Variants in SLC14A2 observed in about 807,000 individuals in gnomAD.
SLC14A2 encodes the protein urea transporter 2.
In SLC14A2, 91 loss-of-function variants were observed where a neutral mutation model predicts 104.6. The observed-to-expected ratio is 0.87, with a 90% CI of 0.73 to 1.04. SLC14A2 has a LOEUF of 1.04. Ranked by LOEUF, SLC14A2 falls within the 50% of genes least tolerant of loss-of-function variation. The pLI is 0.00. For missense variants in SLC14A2, 1,189 were observed against 1,156.0 expected, an observed-to-expected ratio of 1.03 and a Z score of -0.41; for synonymous variants, 476 against 466.4, an observed-to-expected ratio of 1.02 and a Z score of -0.27.
At chr18:45,662,176 A>G (rs1170766298) in intron 10 of SLC14A2, among the ~76,000 whole-genome samples, 1 of 152,140 alleles carries the variant, frequency 6.6e-6, no homozygotes, top group East Asian at 1.9e-4. Flanking sequence ...GATGGTGGGC[A>G]CCTGTAATCC....
chr18:45,206,274 G>A, the SLC14A2 span, among the ~76,000 whole-genome samples: 1 of 152,186 alleles, frequency 6.6e-6, no homozygotes, highest in African/African-American at 2.4e-5. Context: ...TGGAAAGGCT[G>A]TAATCCTGAA....
chr18:45,530,980 G>C lies in SLC14A2; in HGVS notation c.-35+47658G>C, dbSNP rs375387182. Among the ~76,000 whole-genome samples, 56 of 151,974 alleles carry C rather than the reference G, an allele frequency of 3.7e-4. No homozygotes were observed. The East Asian group carries it at 8.9e-3, about 24-fold the overall frequency. ...TTTTTTGTCCTTGCGATAGTTTGCT[G>C]AGAATGATGGTTTCTAGCTTCATCC... is the stretch of plus-strand genomic sequence containing the variant. On this transcript the variant is annotated intron_variant, in intron 2 of 20. Coordinates refer to the SLC14A2 transcript ENST00000586448.
At chr18:45,542,732 A>G (rs2043909332) in intron 2 of SLC14A2, among the ~76,000 whole-genome samples, 2 of 152,084 alleles carry the variant, frequency 1.3e-5, no homozygotes, top group South Asian at 4.2e-4. Context: ...AAACTGGGAG[A>G]GTCTATAGCA....
intron 1 of SLC14A2, among the ~76,000 whole-genome samples, chr18:45,428,035 T>C (rs953982599): frequency 6.6e-6 from 1 of 152,210 alleles, no homozygotes; most frequent in Non-Finnish European, 1.5e-5. Flanking sequence ...GTTCACTGTT[T>C]ATAGCAAGTC....
At chr18:45,361,938 A>T (rs529504235) in intron 1 of SLC14A2, among the ~76,000 whole-genome samples, 1 of 152,340 alleles carries the variant, frequency 6.6e-6, no homozygotes, top group East Asian at 1.9e-4. Context: ...GAACCGCTTT[A>T]GACTATGAAT....
chr18:45,606,753 CAAAAACAAAAA>C (rs1568296064), intron 2 of SLC14A2, among the ~76,000 whole-genome samples: 534 of 16,418 alleles, frequency 0.033, 7 homozygotes, highest in East Asian at 0.17. Context: ...AAAAACAAAA[CAAAAACAAAAA>C]AAAAAAACAC....
chr18:45,300,972 G>C (rs2084962919), intron 1 of SLC14A2, among the ~76,000 whole-genome samples: 1 of 152,204 alleles, frequency 6.6e-6, no homozygotes, highest in African/African-American at 2.4e-5. Context: ...CTGACTGACA[G>C]GAAGGGGAGA....
At chr18:45,528,638 C>T (rs2043634725) in intron 2 of SLC14A2, 1 of 151,926 alleles carries the variant, frequency 6.6e-6, no homozygotes, top group Non-Finnish European at 1.5e-5. Context: ...TAGGTTCCAT[C>T]TGAACCAGAA....
intron 2 of SLC14A2, among the ~76,000 whole-genome samples, chr18:45,524,586 T>C (rs1476087186): frequency 6.6e-6 from 1 of 152,200 alleles, no homozygotes; most frequent in Non-Finnish European, 1.5e-5. Context: ...TCCAGCCCTA[T>C]ATATCCACAT....
At chr18:45,404,957 C>T (rs1233077093) in intron 1 of SLC14A2, among the ~76,000 whole-genome samples, 1 of 152,126 alleles carries the variant, frequency 6.6e-6, no homozygotes, top group Non-Finnish European at 1.5e-5. Flanking sequence ...CTCAGTGCCA[C>T]CAGCACTGCC....
chr18:45,670,100 G>A (rs1006591015), intron 16 of SLC14A2, among the ~76,000 whole-genome samples: 1 of 152,138 alleles, frequency 6.6e-6, no homozygotes, highest in African/African-American at 2.4e-5. Context: ...TGCACTCCAT[G>A]AGACTCTATC....
chr18:45,415,639 G>A (rs1231693693), intron 1 of SLC14A2, among the ~76,000 whole-genome samples: 1 of 152,112 alleles, frequency 6.6e-6, no homozygotes, highest in African/African-American at 2.4e-5. Flanking sequence ...ATAAACCACA[G>A]GGGGTCAAAA....
intron 2 of SLC14A2, among the ~76,000 whole-genome samples, chr18:45,531,034 A>G (rs981034591): frequency 1.3e-5 from 2 of 152,076 alleles, no homozygotes; most frequent in African/African-American, 4.8e-5. Flanking sequence ...TGAACTCATC[A>G]TTTTTTATGG....
intron 1 of SLC14A2, among the ~76,000 whole-genome samples, chr18:45,217,197 T>C (rs559508910): frequency 6.7e-6 from 1 of 149,288 alleles, no homozygotes; most frequent in Non-Finnish European, 1.5e-5. Flanking sequence ...CATTAAACTA[T>C]ATAAATATAA....
In SLC14A2 at chr18:45,666,208, GTC is replaced by G; in HGVS notation, c.1547_1548del (p.Val516GlyfsTer4). 2 of 1,612,180 alleles carry G rather than the reference GTC, an allele frequency of 1.2e-6. No homozygotes were observed. Among genetic ancestry groups the G allele is most frequent in the South Asian group, 2.2e-5 (2 of 91,040 alleles). The part of the protein sequence containing the change: ...PFPYRYRKPT[V>X]ELLDLDTMEE... ...TCCCTATCGATACCGGAAGCCCACA[GTC>G]GAGCTGCTTGTGAGTACTGAGTGTC... is the stretch of plus-strand genomic sequence containing the variant. On this transcript the variant is annotated frameshift_variant, in exon 12 of 20. Coordinates refer to ENST00000255226, the MANE Select transcript of SLC14A2 (RefSeq NM_007163.4). LOFTEE classifies it high-confidence loss of function.
At chr18:45,563,020 G>A (rs1211701299) in intron 2 of SLC14A2, among the ~76,000 whole-genome samples, 1 of 152,182 alleles carries the variant, frequency 6.6e-6, no homozygotes, top group Non-Finnish European at 1.5e-5. Flanking sequence ...GGATTTTCTA[G>A]GTCTTTGAAA....
chr18:45,413,704 G>A (rs987702602), intron 1 of SLC14A2, among the ~76,000 whole-genome samples: 1 of 152,200 alleles, frequency 6.6e-6, no homozygotes, highest in African/African-American at 2.4e-5. Flanking sequence ...CTTTCTGCCA[G>A]TGCTGAGCCA....
intron 1 of SLC14A2, among the ~76,000 whole-genome samples, chr18:45,235,752 TTTCA>T (rs2084218713): frequency 6.6e-6 from 1 of 150,412 alleles, no homozygotes; most frequent in Admixed American, 6.7e-5. Context: ...AATGACAAGA[TTTCA>T]TTCATTTTTA....
chr18:45,373,390 C>A (rs530305530), intron 1 of SLC14A2, among the ~76,000 whole-genome samples: 4 of 152,308 alleles, frequency 2.6e-5, no homozygotes, highest in South Asian at 4.1e-4. Flanking sequence ...ATGATTTTAT[C>A]CATCCCAACA....
Sources: gnomAD v4.1 joint callset for allele counts (sites outside exome capture counted in the v4.1 genomes callset) on GRCh38, gnomAD v4.1.1 for gene constraint, MANE v1.5 for transcripts, NCBI Gene and HGNC (gene_info 2026-07-23, HGNC 2026-07-21) for gene names.